ATP23: variants seen among roughly 807,000 people sequenced by gnomAD.
The protein encoded by ATP23 is mitochondrial inner membrane protease ATP23 homolog.
Under a neutral mutation model 28.5 loss-of-function variants are expected in ATP23, and 24 were observed. The ratio of observed to expected loss-of-function variants is 0.84; its 90% CI spans 0.61 to 1.18. The LOEUF (loss-of-function observed/expected upper bound fraction) is 1.18, where lower values mean the gene tolerates loss of function less well. ATP23 is among the 50% of genes most tolerant of loss of function. ATP23 has a pLI of 0.00. For synonymous variants in ATP23, 99 were observed against 108.6 expected, an observed-to-expected ratio of 0.91 and a Z score of 0.55; for missense variants, 274 against 306.4, an observed-to-expected ratio of 0.89 and a Z score of 0.79.
rs111763507 is a variant in ATP23 at position 57,957,613 on chromosome 12, C to T, written c.*723C>T. Among the ~76,000 whole-genome samples, 3,489 of 152,148 alleles carry T rather than the reference C, an allele frequency of 0.023. 152 individuals are homozygous for T. Among genetic ancestry groups the T allele is most frequent in the African/African-American group, 0.08 (3,321 of 41,492 alleles). On this transcript the variant is annotated 3_prime_UTR_variant, in exon 6 of 6. Coordinates refer to ENST00000300145, the MANE Select transcript of ATP23 (RefSeq NM_033276.4). ...GGAGACCCTCCTCTCCCACACACAC[C>T]CCCCCACTGGAGAAACTGAAGGTCT...
Position 57,941,643 on chromosome 12 carries a change from C to T in ATP23, c.-59C>T. ...CGTTGGCGGGAGGGAGGTTACCTTT[C>T]CCAGTCTCGCTCTGGCCGCCTGAGC... On this transcript the variant is annotated 5_prime_UTR_variant, in exon 1 of 6. Transcript: ENST00000300145. 1 of 1,565,930 alleles carries T rather than the reference C, an allele frequency of 6.4e-7. No homozygotes were observed. Among genetic ancestry groups the T allele is most frequent in the Non-Finnish European group, 8.6e-7 (1 of 1,159,258 alleles).
rs1350234266 is a variant in ATP23, at chr12:57,941,903, C to G, written c.187+15C>G. 2 of 1,611,130 alleles carry G rather than the reference C, an allele frequency of 1.2e-6. No homozygotes were observed. Among genetic ancestry groups the G allele is most frequent in the Middle Eastern group, 1.7e-4 (1 of 6,038 alleles). On this transcript the variant is annotated intron_variant, in intron 1 of 5. Coordinates refer to ENST00000300145, the MANE Select transcript of ATP23 (RefSeq NM_033276.4). ...GCTGGAGACAAGTAGGAGCCATGAC[C>G]TGGAGGCTGTGGTTCCACAGAATGG...
In ATP23 at chr12:57,957,848, G is replaced by A. The variant is rs1337889772; in HGVS notation, c.*958G>A. On this transcript the variant is annotated 3_prime_UTR_variant, in exon 6 of 6. Coordinates refer to ENST00000300145, the MANE Select transcript of ATP23 (RefSeq NM_033276.4). ...CACAGGGAGAAGGACATCTCTAGCT[G>A]AACTTTGTAACTATTTCAATGGGGC... Among the ~76,000 whole-genome samples, 5 of 152,168 alleles carry A rather than the reference G, an allele frequency of 3.3e-5. No homozygotes were observed. The highest frequency in any genetic ancestry group is 7.3e-5 in the Non-Finnish European group (5 of 68,028).
At chr12:57,950,209 C>T (rs2140534568) in intron 3 of ATP23, among the ~76,000 whole-genome samples, 1 of 152,276 alleles carries the variant, frequency 6.6e-6, no homozygotes, top group South Asian at 2.1e-4. Flanking sequence ...TCCCTTTATC[C>T]TGAGAGCTTC....
chr12:57,941,990 G>C, intron 1 of ATP23, 102 bp downstream of exon 1: 2 of 1,438,690 alleles, frequency 1.4e-6, no homozygotes, highest in Non-Finnish European at 1.9e-6. Context: ...TTCAGGTTCA[G>C]CACAGAGTCT....
chr12:57,953,445 A>G (rs1299930015), intron 4 of ATP23, among the ~76,000 whole-genome samples, 161 bp from the exon 5 acceptor site: 2 of 152,240 alleles, frequency 1.3e-5, no homozygotes, highest in Admixed American at 6.5e-5. Context: ...CGTTGTCAAT[A>G]GAGTTTAAAA....
At position 57,941,577 on chromosome 12, in the gene ATP23, G is replaced by T; in HGVS notation, c.-125G>T. On this transcript the variant is annotated 5_prime_UTR_variant, in exon 1 of 6. It adds an upstream start codon to the 5' untranslated region. Coordinates refer to ENST00000300145, the MANE Select transcript of ATP23 (RefSeq NM_033276.4). ...CCGCCTAACGTCTTCAGCCCAGCCA[G>T]GCTGCCCTTCTTCCCTGCGGAGGGA... 1.5e-6 allele frequency: 2 copies of T among 1,319,610 alleles called. No individual in the cohort carries two copies. Among genetic ancestry groups the T allele is most frequent in the Non-Finnish European group, 2.0e-6 (2 of 992,956 alleles). 81.7% of individuals were successfully genotyped at this position (1,319,610 alleles called of 1,614,324 possible).
chr12:57,943,476 T>G (rs1286380627), intron 1 of ATP23, among the ~76,000 whole-genome samples: 2 of 152,026 alleles, frequency 1.3e-5, no homozygotes, highest in African/African-American at 4.8e-5. Flanking sequence ...GCTCAGATGT[T>G]TAAGACCAGC....
At chr12:57,949,465 T>TTTTA (rs1349223898) in intron 3 of ATP23, among the ~76,000 whole-genome samples, 1 of 152,042 alleles carries the variant, frequency 6.6e-6, no homozygotes, top group Non-Finnish European at 1.5e-5. Context: ...TTGAGCATCT[T>TTTTA]TTTATTTATT....
chr12:57,945,936 G>A (rs1434659320), intron 2 of ATP23, among the ~76,000 whole-genome samples: 2 of 151,222 alleles, frequency 1.3e-5, no homozygotes, highest in Non-Finnish European at 2.9e-5. Context: ...TGCTGTCTCG[G>A]CTCAGTGCAA....
intron 3 of ATP23, among the ~76,000 whole-genome samples, 197 bp from the exon 4 acceptor site, chr12:57,951,561 C>T (rs17568156): frequency 0.058 from 8,770 of 152,118 alleles, 331 homozygotes; most frequent in East Asian, 0.094. Context: ...AGTCACTGGG[C>T]GAGGCAATTG....
intron 3 of ATP23, among the ~76,000 whole-genome samples, chr12:57,949,499 A>G (rs1956794659): frequency 6.6e-6 from 1 of 152,014 alleles, no homozygotes; most frequent in African/African-American, 2.4e-5. Flanking sequence ...TTTTAAGGAA[A>G]AAAAGTTTTT....
Position 57,941,797 on chromosome 12 carries a change from G to A in ATP23, c.96G>A (p.Leu32=). Reference sequence around the variant, plus strand: ...CTTGCCAGGTCTTCCCCGAGCGTCTGGCCCAGGGGAATCCCCAGCAAGGGT... The same window carrying A: ...CTTGCCAGGTCTTCCCCGAGCGTCTAGCCCAGGGGAATCCCCAGCAAGGGT... The part of the protein sequence containing the change: ...HVSCQVFPER[L]AQGNPQQGFF... The change falls in exon 1 of 6, where the codon CTG becomes CTA. Residue 32 remains leucine, a synonymous_variant. Transcript: ENST00000300145. 1 of 1,610,966 alleles carries A rather than the reference G, an allele frequency of 6.2e-7. No homozygotes were observed. Among genetic ancestry groups the A allele is most frequent in the South Asian group, 1.1e-5 (1 of 90,346 alleles).
intron 5 of ATP23, among the ~76,000 whole-genome samples, chr12:57,955,743 G>A (rs760064726): frequency 6.6e-6 from 1 of 152,098 alleles, no homozygotes; most frequent in Non-Finnish European, 1.5e-5. Context: ...CTTTATGCCT[G>A]GGGTTTATTT....
At chr12:57,951,443 GT>G (rs2140536252) in intron 3 of ATP23, among the ~76,000 whole-genome samples, 1 of 152,310 alleles carries the variant, frequency 6.6e-6, no homozygotes, top group South Asian at 2.1e-4. Flanking sequence ...CCATAATGCT[GT>G]GGAGTCCGAG....
intron 4 of ATP23, 133 bp from the exon 5 acceptor site, chr12:57,953,473 T>C (rs1337840489): frequency 1.4e-6 from 1 of 694,946 alleles, no homozygotes; most frequent in Non-Finnish European, 2.4e-6. Flanking sequence ...TAAGAAGAAG[T>C]GTCACAAATA....
intron 2 of ATP23, among the ~76,000 whole-genome samples, chr12:57,946,270 C>G (rs1476444945): frequency 6.6e-6 from 1 of 152,098 alleles, no homozygotes; most frequent in Admixed American, 6.6e-5. Flanking sequence ...GCTACACCAG[C>G]CTGAGCACTG....
chr12:57,954,671 G>T (rs150250660), intron 5 of ATP23, among the ~76,000 whole-genome samples: 4 of 152,296 alleles, frequency 2.6e-5, no homozygotes, highest in East Asian at 1.9e-4. Flanking sequence ...TAGGAGAAAG[G>T]CTGGTCAGTC....
At chr12:57,951,570 T>G (rs567720094) in intron 3 of ATP23, among the ~76,000 whole-genome samples, 188 bp from the exon 4 acceptor site, 1 of 152,268 alleles carries the variant, frequency 6.6e-6, no homozygotes, top group South Asian at 2.1e-4. Flanking sequence ...GCGAGGCAAT[T>G]GGAGCATGTA....
Sources: gnomAD v4.1 joint callset for allele counts (sites outside exome capture counted in the v4.1 genomes callset) on GRCh38, gnomAD v4.1.1 for gene constraint, MANE v1.5 for transcripts, NCBI Gene and HGNC (gene_info 2026-07-23, HGNC 2026-07-21) for gene names.